OASL: variants seen among roughly 807,000 people sequenced by gnomAD.
The protein encoded by OASL is 2'-5'-oligoadenylate synthase-like protein.
A neutral mutation model predicts 35.3 loss-of-function variants in OASL; 28 were observed. That is an observed-to-expected ratio of 0.79 (90% CI 0.59 to 1.09). The LOEUF (loss-of-function observed/expected upper bound fraction) is 1.09, where lower values mean the gene tolerates loss of function less well. OASL is among the 50% of genes least tolerant of loss of function. OASL has a pLI of 0.00. For synonymous variants in OASL, 252 were observed against 254.6 expected (o/e 0.99, Z 0.10); for missense variants, 620 against 635.2 (o/e 0.98, Z 0.26).
Position 121,020,512 on chromosome 12 carries a change from A to T in OASL, c.*49T>A, listed in dbSNP as rs1184182548. The T allele has an allele frequency of 3.3e-6, 5 of 1,527,866 alleles. No homozygotes were observed. In the African/African-American group the frequency reaches 6.9e-5, roughly 21 times the overall value. 94.6% of individuals were successfully genotyped at this position (1,527,866 alleles called of 1,614,324 possible). Reference sequence around the variant, plus strand: ...ATGGGACAGAGTGATTGACAGGATGAGTTCTGGAGTACATGGCAGAAATGT... The same window carrying T: ...ATGGGACAGAGTGATTGACAGGATGTGTTCTGGAGTACATGGCAGAAATGT... On this transcript the variant is annotated 3_prime_UTR_variant, in exon 6 of 6. Transcript: ENST00000257570.
exon 5 of OASL, chr12:121,024,013 G>C (rs778941118): frequency 8.1e-6 from 13 of 1,614,150 alleles, no homozygotes; most frequent in South Asian, 1.1e-5. Context: ...CTGGAGATGG[G>C]GTTCTCCCTG....
chr12:121,038,740 G>C lies in OASL; in HGVS notation c.198+34C>G, dbSNP rs1333611629. On this transcript the variant is annotated intron_variant, in intron 1 of 5. Coordinates refer to ENST00000257570, the Ensembl canonical transcript of OASL. ...GACGTGGACTCTGATACTGGGTTTTGTCTTGCGTGGGGGCTGGAGGAGCCC... is the reference window on the plus strand; with the variant it reads ...GACGTGGACTCTGATACTGGGTTTTCTCTTGCGTGGGGGCTGGAGGAGCCC... 4 of 1,608,598 alleles carry C rather than the reference G, an allele frequency of 2.5e-6. No individual in the cohort carries two copies. In the African/African-American group the frequency reaches 5.3e-5, roughly 21 times the overall value.
At chr12:121,032,402 G>A (rs947900268) in intron 2 of OASL, among the ~76,000 whole-genome samples, 1 of 152,186 alleles carries the variant, frequency 6.6e-6, no homozygotes, top group African/African-American at 2.4e-5. Context: ...CTTGCAGCAT[G>A]TAGGTTTTAC....
At chr12:121,029,255 T>C (rs1015098374) in intron 3 of OASL, among the ~76,000 whole-genome samples, 10 of 152,088 alleles carry the variant, frequency 6.6e-5, no homozygotes, top group Non-Finnish European at 1.5e-4. Flanking sequence ...TATAACACTT[T>C]GGCCTTGAAA....
intron 5 of OASL, among the ~76,000 whole-genome samples, chr12:121,021,371 T>C (rs571132426): frequency 1.7e-4 from 26 of 152,304 alleles, no homozygotes; most frequent in East Asian, 5.8e-4. Flanking sequence ...AGGGCAGATA[T>C]GTGAAGTGAG....
In OASL at chr12:121,038,761, A is replaced by G. The variant is rs745322887; in HGVS notation, c.198+13T>C. 48 of 1,613,394 alleles carry G rather than the reference A, an allele frequency of 3.0e-5. No individual in the cohort carries two copies. The highest frequency in any genetic ancestry group is 3.5e-5 in the Non-Finnish European group (41 of 1,179,550). ...TTTTGTCTTGCGTGGGGGCTGGAGGAGCCCAGTCTTACCTTGACTACCTTC... is the reference window on the plus strand; with the variant it reads ...TTTTGTCTTGCGTGGGGGCTGGAGGGGCCCAGTCTTACCTTGACTACCTTC... On this transcript the variant is annotated intron_variant, in intron 1 of 5. Coordinates refer to ENST00000257570, the Ensembl canonical transcript of OASL.
intron 1 of OASL, among the ~76,000 whole-genome samples, chr12:121,035,260 C>T (rs1165064917): frequency 6.6e-6 from 1 of 152,068 alleles, no homozygotes; most frequent in Non-Finnish European, 1.5e-5. Flanking sequence ...GGCATGATGG[C>T]TCATGCCTGT....
chr12:121,030,440 A>G lies in OASL; in HGVS notation c.657+1002T>C, dbSNP rs1869680285. On this transcript the variant is annotated intron_variant, in intron 3 of 5. Transcript: ENST00000257570. ...AGGATGGTCTCGATCTCCTGATCTC[A>G]TGATCTGCCCACCTCGGCCTCCCAA... Among the ~76,000 whole-genome samples the G allele has an allele frequency of 1.3e-5, 2 of 151,900 alleles. 1 individual carries two copies. Among genetic ancestry groups the G allele is most frequent in the African/African-American group, 4.8e-5 (2 of 41,344 alleles).
intron 1 of OASL, among the ~76,000 whole-genome samples, chr12:121,037,451 G>T (rs895969525): frequency 6.6e-6 from 1 of 152,028 alleles, no homozygotes; most frequent in African/African-American, 2.4e-5. Context: ...GTGACCTTGG[G>T]CAAGTCACCT....
chr12:121,021,000 A>T (rs555835594), exon 6 of OASL: 1 of 1,612,862 alleles, frequency 6.2e-7, no homozygotes, highest in South Asian at 1.1e-5. Context: ...AGGGTTCACG[A>T]TGAGGTTGAA....
intron 3 of OASL, among the ~76,000 whole-genome samples, chr12:121,028,862 C>T (rs1869608719): frequency 6.6e-6 from 1 of 151,708 alleles, no homozygotes; most frequent in African/African-American, 2.4e-5. Flanking sequence ...GCCAGGAGTT[C>T]GAGACCAGCT....
At chr12:121,026,028 G>T (rs1039599017) in intron 4 of OASL, among the ~76,000 whole-genome samples, 1 of 152,156 alleles carries the variant, frequency 6.6e-6, no homozygotes, top group Non-Finnish European at 1.5e-5. Flanking sequence ...CAACACATGG[G>T]GTCTGTGTCC....
At chr12:121,033,649 G>A (rs1032407484) in exon 2 of OASL, 13 of 1,613,954 alleles carry the variant, frequency 8.1e-6, no homozygotes, top group South Asian at 1.1e-5. Context: ...GTGATGCTTG[G>A]CTGCCTCCTG....
Position 121,035,137 on chromosome 12 carries a change from C to G in OASL, c.199-1394G>C, listed in dbSNP as rs547137653. 1.2e-4 allele frequency among the ~76,000 whole-genome samples: 18 copies of G among 152,154 alleles called. No individual in the cohort carries two copies. In the East Asian group the frequency reaches 3.5e-3, roughly 29 times the overall value. ...TTCCAGCTGTTGCCGGATGATATAA[C>G]ATGCCCTGTGTGACATGAGCACGGA... On this transcript the variant is annotated intron_variant, in intron 1 of 5. Transcript: ENST00000257570.
At position 121,039,005 on chromosome 12, in the gene OASL, T is replaced by C. The variant is rs772115794; in HGVS notation, c.-34A>G. On this transcript the variant is annotated 5_prime_UTR_variant, in exon 1 of 6. The change creates a new upstream start codon in the 5' untranslated region. Transcript: ENST00000257570. ...CGAGAGTACCGCTGCTGGGCAGATA[T>C]ATAGCCAGGCTCCTACCCAGCTCCC... 3 of 1,589,892 alleles carry C rather than the reference T, an allele frequency of 1.9e-6. No individual in the cohort carries two copies. The highest frequency in any genetic ancestry group is 1.7e-6 in the Non-Finnish European group (2 of 1,159,514).
exon 6 of OASL, chr12:121,020,082 C>T (rs1386021718): frequency 6.4e-6 from 1 of 155,154 alleles, no homozygotes; most frequent in Non-Finnish European, 1.4e-5. Context: ...CCCTCCTCAT[C>T]CTCCCCCTGG....
chr12:121,031,454 G>A (rs150343561), exon 3 of OASL: 4 of 1,613,378 alleles, frequency 2.5e-6, no homozygotes, highest in Non-Finnish European at 3.4e-6. Flanking sequence ...GCTGGTACCA[G>A]TGTTTCACCA....
intron 5 of OASL, among the ~76,000 whole-genome samples, chr12:121,021,304 GA>G (rs1206598342): frequency 6.6e-6 from 1 of 152,168 alleles, no homozygotes; most frequent in African/African-American, 2.4e-5. Context: ...TATTGATGAG[GA>G]AACTGAGCAG....
At chr12:121,030,995 G>A (rs1373790103) in intron 3 of OASL, among the ~76,000 whole-genome samples, 1 of 151,848 alleles carries the variant, frequency 6.6e-6, no homozygotes, top group Admixed American at 6.6e-5. Flanking sequence ...AAAATTAGCT[G>A]GGCATGGTTG....
Sources: allele counts gnomAD v4.1 joint callset (sites outside exome capture counted in the v4.1 genomes callset), GRCh38; gene constraint gnomAD v4.1.1; transcripts MANE v1.5; gene names NCBI Gene and HGNC (gene_info 2026-07-23, HGNC 2026-07-21).